RPL19: variants seen among roughly 807,000 people sequenced by gnomAD.
RPL19 encodes the protein ribosomal protein L19.
In RPL19, 2 loss-of-function variants were observed where a neutral mutation model predicts 25.1. The observed-to-expected ratio is 0.08, with a 90% CI of 0.03 to 0.25. RPL19 has a LOEUF of 0.25. Ranked by LOEUF, RPL19 falls within the 10% of genes least tolerant of loss-of-function variation. The pLI is 1.00. For missense variants in RPL19, 123 were observed against 271.8 expected (o/e 0.45, Z 3.85); for synonymous variants, 89 against 91.2 (o/e 0.98, Z 0.14).
chr17:39,201,047 T>C (rs2046283445), intron 1 of RPL19, 166 bp from the exon 2 acceptor site: 2 of 579,148 alleles, frequency 3.5e-6, no homozygotes, highest in South Asian at 4.6e-5. Flanking sequence ...TTTGAAGTCT[T>C]AAACCCAAGG....
rs1278835562 is a variant in RPL19, at chr17:39,202,442, A to G, written c.235+3A>G. 5 of 1,614,086 alleles carry G rather than the reference A, an allele frequency of 3.1e-6. No individual in the cohort carries two copies. Among genetic ancestry groups the G allele is most frequent in the Non-Finnish European group, 4.2e-6 (5 of 1,179,952 alleles). ...GAAGGGCAGGCACATGGGCATAGGT[A>G]AGTGTGGTCATCTTCTCCTTAAGAA... On this transcript the variant is annotated splice_donor_region_variant and intron_variant, in intron 3 of 5. Coordinates refer to ENST00000225430, the MANE Select transcript of RPL19 (RefSeq NM_000981.4).
At chr17:39,202,895 A>C in intron 3 of RPL19, 94 bp from the exon 4 acceptor site, 1 of 1,385,648 alleles carries the variant, frequency 7.2e-7, no homozygotes. Flanking sequence ...GGATTAAATG[A>C]GTTAAGGACC....
At chr17:39,201,378 AATG>A (rs894332236) in intron 2 of RPL19, 59 bp downstream of exon 2, 9 of 1,027,474 alleles carry the variant, frequency 8.8e-6, no homozygotes, top group Middle Eastern at 4.2e-4. Context: ...GCGTCAGATT[AATG>A]ATAACACAAT....
intron 4 of RPL19, among the ~76,000 whole-genome samples, 159 bp downstream of exon 4, chr17:39,203,268 A>G (rs1178718396): frequency 4.6e-5 from 6 of 130,170 alleles, no homozygotes; most frequent in African/African-American, 1.8e-4. Context: ...TACAACCTCT[A>G]CCTCCCAGGT....
intron 4 of RPL19, 118 bp downstream of exon 4, chr17:39,203,227 G>C (rs1479745685): frequency 2.3e-5 from 26 of 1,114,408 alleles, no homozygotes; most frequent in Non-Finnish European, 3.1e-5. Context: ...TGTCACCCAG[G>C]CTGGAGTGCA....
At chr17:39,202,295 C>G (rs1567821766) in intron 2 of RPL19, 22 bp from the exon 3 acceptor site, 5 of 1,612,508 alleles carry the variant, frequency 3.1e-6, no homozygotes, top group Non-Finnish European at 4.2e-6. Context: ...GTTGACTGAC[C>G]AGGTGCATTA....
intron 3 of RPL19, 148 bp downstream of exon 3, chr17:39,202,587 A>G: frequency 9.8e-7 from 1 of 1,017,734 alleles, no homozygotes; most frequent in Non-Finnish European, 1.4e-6. Flanking sequence ...CAAATCAGAA[A>G]GTTGGTGCTG....
chr17:39,201,233 G>A lies in RPL19; in HGVS notation c.26G>A (p.Arg9Lys). Residue 9 changes from arginine to lysine, a missense_variant, in exon 2 of 6, where the codon AGG becomes AAG. Coordinates refer to ENST00000225430, the MANE Select transcript of RPL19 (RefSeq NM_000981.4). MSMLRLQK[R>K]LASSVLRCGK... ...TCTAGTATGCTCAGGCTTCAGAAGA[G>A]GCTCGCCTCTAGTGTCCTCCGCTGT... 3.1e-6 allele frequency: 5 copies of A among 1,612,586 alleles called. No individual in the cohort carries two copies. Among genetic ancestry groups the A allele is most frequent in the Non-Finnish European group, 4.2e-6 (5 of 1,179,312 alleles).
Position 39,204,681 on chromosome 17 carries a change from T to A in RPL19, c.*33T>A, listed in dbSNP as rs776089875. 7 of 1,596,024 alleles carry A rather than the reference T, an allele frequency of 4.4e-6. No individual in the cohort carries two copies. In the African/African-American group the frequency reaches 6.7e-5, roughly 15 times the overall value. On this transcript the variant is annotated 3_prime_UTR_variant, in exon 6 of 6. Transcript: ENST00000225430. ...CACTTTGTCTGTACATACTGGCCTC[T>A]GTGATTACATAGATCAGCCATTAAA...
chr17:39,202,158 TTTTTTGGG>T (rs1211652313), intron 2 of RPL19, among the ~76,000 whole-genome samples, 151 bp from the exon 3 acceptor site: 3 of 151,782 alleles, frequency 2.0e-5, no homozygotes, highest in African/African-American at 7.3e-5. Flanking sequence ...AAGATAGAGG[TTTTTTGGG>T]TTTTTGAAGG....
rs746333765 is a variant in RPL19 at position 39,203,043 on chromosome 17, G to A, written c.290G>A (p.Arg97Lys). Residue 97 changes from arginine to lysine, a missense_variant, in exon 4 of 6, where the codon AGG (arginine) becomes AAG (lysine). Arg to Lys is a conservative substitution (Grantham distance 26). Coordinates refer to ENST00000225430, the MANE Select transcript of RPL19 (RefSeq NM_000981.4). ...ARMPEKVTWM[R>K]RMRILRRLLR... ...ATGCCAGAGAAGGTCACATGGATGA[G>A]GAGAATGAGGATTTTGCGCCGGCTG... 1 of 1,613,936 alleles carries A rather than the reference G, an allele frequency of 6.2e-7. No homozygotes were observed. The highest frequency in any genetic ancestry group is 8.5e-7 in the Non-Finnish European group (1 of 1,179,990).
Position 39,202,971 on chromosome 17 carries a change from A to G in RPL19, c.236-18A>G. 6.2e-7 allele frequency: 1 copy of G among 1,613,680 alleles called. No homozygotes were observed. Among genetic ancestry groups the G allele is most frequent in the Non-Finnish European group, 8.5e-7 (1 of 1,179,780 alleles). On this transcript the variant is annotated intron_variant, in intron 3 of 5. Coordinates refer to ENST00000225430, the MANE Select transcript of RPL19 (RefSeq NM_000981.4). The stretch of plus-strand genomic sequence containing the variant: ...TGGGCCTGGGTAGTGGCCCGTTCCT[A>G]ACTCATCTTCTCCACAGGTAAGCGG...
At position 39,204,720 on chromosome 17, in the gene RPL19, T is replaced by TAA; in HGVS notation, c.*73_*74dup. ...TCAGCCATTAAAATAAAACAAGCCTTAATCTGCCTTCCTCTCTGCTTCTTG... is the reference window on the plus strand; with the variant it reads ...TCAGCCATTAAAATAAAACAAGCCTTAAAATCTGCCTTCCTCTCTGCTTCTTG... On this transcript the variant is annotated 3_prime_UTR_variant, in exon 6 of 6. Coordinates refer to ENST00000225430, the MANE Select transcript of RPL19 (RefSeq NM_000981.4). 6.8e-7 allele frequency: 1 copy of TAA among 1,464,512 alleles called. No homozygotes were observed. The allele number at this position is 1,464,512 out of a possible 1,614,324, so 90.7% of individuals were successfully genotyped here.
At chr17:39,202,720 G>T (rs1221646141) in intron 3 of RPL19, 3 of 590,740 alleles carry the variant, frequency 5.1e-6, no homozygotes, top group Non-Finnish European at 8.9e-6. Flanking sequence ...ACAACGTGCT[G>T]TGTTGCCTTG....
chr17:39,203,138 C>T, intron 4 of RPL19, 29 bp downstream of exon 4: 1 of 1,516,090 alleles, frequency 6.6e-7, no homozygotes. Context: ...GCCCAGTACC[C>T]ATTTGCTGCT....
At chr17:39,201,134 A>T (rs965477128) in intron 1 of RPL19, 79 bp from the exon 2 acceptor site, 2 of 911,552 alleles carry the variant, frequency 2.2e-6, no homozygotes, top group African/African-American at 3.3e-5. Flanking sequence ...GTGGGTCACA[A>T]AGGGCAGGTC....
chr17:39,203,204 T>A (rs779463314), intron 4 of RPL19, 95 bp downstream of exon 4: 43 of 1,060,844 alleles, frequency 4.1e-5, no homozygotes, highest in Non-Finnish European at 5.8e-5. Context: ...TTTTTTGAGA[T>A]GGAGTCTTGC....
chr17:39,203,990 C>A (rs1430675306), intron 4 of RPL19, 87 bp from the exon 5 acceptor site: 1 of 738,172 alleles, frequency 1.4e-6, no homozygotes, highest in Non-Finnish European at 2.5e-6. Flanking sequence ...AAGCTACAAG[C>A]TTAGTGACCT....
At chr17:39,200,717 GC>G in intron 1 of RPL19, 1 of 1,074,690 alleles carries the variant, frequency 9.3e-7, no homozygotes, top group Non-Finnish European at 1.1e-6. Flanking sequence ...CCTAGTGTAG[GC>G]CCCAGGCCTC....
Sources: allele counts gnomAD v4.1 joint callset (sites outside exome capture counted in the v4.1 genomes callset), GRCh38; gene constraint gnomAD v4.1.1; transcripts MANE v1.5; gene names NCBI Gene and HGNC (gene_info 2026-07-23, HGNC 2026-07-21).